The following RASSF2 variants were observed in gnomAD, a reference collection of about 807,000 sequenced individuals.
The protein encoded by RASSF2 is Ras association domain family member 2, also known as ras association domain-containing protein 2.
A neutral mutation model predicts 46.3 loss-of-function variants in RASSF2; 34 were observed. That is an observed-to-expected ratio of 0.73 (90% confidence interval 0.56 to 0.98). The LOEUF is 0.98. Among genes scored for constraint, RASSF2 ranks in the 50% least tolerant of loss-of-function variants. RASSF2 has a pLI of 0.00. For missense variants in RASSF2, 364 were observed against 431.2 expected, an observed-to-expected ratio of 0.84 and a Z score of 1.38; for synonymous variants, 158 against 162.5, an observed-to-expected ratio of 0.97 and a Z score of 0.21.
intron 3 of RASSF2, among the ~76,000 whole-genome samples, chr20:4,798,449 C>A (rs1033589650): frequency 7.2e-5 from 11 of 152,176 alleles, no homozygotes; most frequent in African/African-American, 2.7e-4. Flanking sequence ...CCACACACAG[C>A]GATTCTCCTG....
Position 4,800,934 on chromosome 20 carries a change from G to C in RASSF2, c.59+38C>G, listed in dbSNP as rs375056690. Reference sequence around the variant, plus strand: ...ACCCACAACATCCCAGCACGGGACTGGTCACTGAGGACAAAACACTCCAGC... The same window carrying C: ...ACCCACAACATCCCAGCACGGGACTCGTCACTGAGGACAAAACACTCCAGC... On this transcript the variant is annotated intron_variant, in intron 3 of 11. Coordinates refer to ENST00000379400, the MANE Select transcript of RASSF2 (RefSeq NM_014737.3). 1.1e-5 allele frequency: 17 copies of C among 1,543,742 alleles called. No individual in the cohort carries two copies. In the African/African-American group the frequency reaches 2.2e-4, roughly 20 times the overall value.
chr20:4,804,299 C>T (rs1288322602), intron 2 of RASSF2, among the ~76,000 whole-genome samples: 5 of 148,130 alleles, frequency 3.4e-5, no homozygotes, highest in Non-Finnish European at 7.4e-5. Context: ...AACCGGAGTA[C>T]ACATGTAACG....
intron 2 of RASSF2, among the ~76,000 whole-genome samples, chr20:4,817,754 C>G (rs549882131): frequency 2.0e-5 from 3 of 152,138 alleles, no homozygotes; most frequent in Non-Finnish European, 4.4e-5. Context: ...AGGAAGGACT[C>G]TAGGAGGGGC....
chr20:4,821,343 G>C (rs1885309), intron 2 of RASSF2, among the ~76,000 whole-genome samples: 96,135 of 151,928 alleles, frequency 0.63, 31,835 homozygotes, highest in Non-Finnish European at 0.73. Context: ...GCCACGCTCA[G>C]GGAAGTGGGG....
At chr20:4,787,420 T>C (rs562006270) in intron 10 of RASSF2, among the ~76,000 whole-genome samples, 8 of 152,304 alleles carry the variant, frequency 5.3e-5, no homozygotes, top group African/African-American at 1.4e-4. Context: ...CACAGAATCA[T>C]GGGCAAAAAA....
chr20:4,803,838 C>T (rs1200567665), intron 2 of RASSF2, among the ~76,000 whole-genome samples: 2 of 151,394 alleles, frequency 1.3e-5, no homozygotes, highest in African/African-American at 2.4e-5. Flanking sequence ...GAGGGAGGAT[C>T]GCTTGAGCCC....
intron 4 of RASSF2, among the ~76,000 whole-genome samples, chr20:4,797,391 T>A (rs777467439): frequency 1.4e-4 from 21 of 152,220 alleles, no homozygotes; most frequent in Non-Finnish European, 2.8e-4. Context: ...GGGACCTTTT[T>A]ATCAGTCACA....
At chr20:4,805,378 G>A (rs1190851217) in intron 2 of RASSF2, among the ~76,000 whole-genome samples, 1 of 152,046 alleles carries the variant, frequency 6.6e-6, no homozygotes, top group African/African-American at 2.4e-5. Flanking sequence ...GGAGGAAGGG[G>A]CCATGAACCT....
At chr20:4,793,636 AT>A (rs1451641989) in intron 5 of RASSF2, among the ~76,000 whole-genome samples, 127 of 147,334 alleles carry the variant, frequency 8.6e-4, no homozygotes, top group East Asian at 4.2e-3. Flanking sequence ...CAGCATCCTT[AT>A]TTTTTTTTTT....
At chr20:4,787,852 A>C (rs934144423) in intron 9 of RASSF2, 98 bp from the exon 10 acceptor site, 1 of 1,454,496 alleles carries the variant, frequency 6.9e-7, no homozygotes. Flanking sequence ...AGATGCCGCC[A>C]TATACGTCAG....
intron 2 of RASSF2, among the ~76,000 whole-genome samples, chr20:4,801,887 C>T (rs1466970883): frequency 2.0e-5 from 3 of 151,944 alleles, no homozygotes; most frequent in African/African-American, 4.8e-5. Flanking sequence ...TACAGGTGCC[C>T]GCCATCACGC....
intron 2 of RASSF2, among the ~76,000 whole-genome samples, chr20:4,813,856 T>C (rs1311669190): frequency 6.6e-6 from 1 of 151,970 alleles, no homozygotes; most frequent in Non-Finnish European, 1.5e-5. Context: ...TATCCACATG[T>C]ATGGTGTGTG....
At chr20:4,787,605 C>G (rs757914951) in intron 10 of RASSF2, 28 bp downstream of exon 10, 13 of 1,614,142 alleles carry the variant, frequency 8.1e-6, no homozygotes, top group Middle Eastern at 1.7e-4. Flanking sequence ...CTCCTGAGGA[C>G]AGATCGCCTG....
In RASSF2 at chr20:4,812,284, C is replaced by G. The variant is rs1460237708; in HGVS notation, c.-33+10045G>C. 6.6e-6 allele frequency among the ~76,000 whole-genome samples: 1 copy of G among 152,202 alleles called. No homozygotes were observed. The highest frequency in any genetic ancestry group is 1.5e-5 in the Non-Finnish European group (1 of 68,040). On this transcript the variant is annotated intron_variant, in intron 2 of 11. Coordinates refer to ENST00000379400, the MANE Select transcript of RASSF2 (RefSeq NM_014737.3). The surrounding 1 kb of genome is among the most constrained non-coding windows in gnomAD (Gnocchi z 4.0). ...CCATCACTGCCTGGACTCCTTTAAC[C>G]CCTACACCAACCTCATTACGAAAGA... is the stretch of plus-strand genomic sequence containing the variant.
chr20:4,788,982 G>A (rs1202665233), intron 8 of RASSF2, among the ~76,000 whole-genome samples: 1 of 152,128 alleles, frequency 6.6e-6, no homozygotes, highest in Non-Finnish European at 1.5e-5. Context: ...ACTAGCAGGT[G>A]CTCAGTGGAG....
rs369276882 is a variant in RASSF2 at position 4,789,654 on chromosome 20, C to T, written c.581G>A (p.Arg194His). ...TPAYGSVTNVRINSTMTTPQV... is the reference protein window; with the variant it reads ...TPAYGSVTNVHINSTMTTPQV... The stretch of plus-strand genomic sequence containing the variant: ...TGGGGTGGTCATGGTGCTGTTGATG[C>T]GGACGTTGGTGACAGAGCCATAGGC... The change falls in exon 8 of 12, where the codon CGC becomes CAC. Residue 194 changes from arginine to histidine, a missense_variant. Physicochemically the swap from Arg to His is conservative, Grantham distance 29. Transcript: ENST00000379400. The T allele has an allele frequency of 3.0e-5, 48 of 1,613,884 alleles. No homozygotes were observed. The highest frequency in any genetic ancestry group is 6.7e-5 in the East Asian group (3 of 44,886).
chr20:4,809,292 T>C (rs1449665740), intron 2 of RASSF2, among the ~76,000 whole-genome samples: 3 of 152,184 alleles, frequency 2.0e-5, no homozygotes, highest in African/African-American at 4.8e-5. Flanking sequence ...CCATTTAATA[T>C]GATGACATCC....
intron 3 of RASSF2, among the ~76,000 whole-genome samples, chr20:4,798,991 G>C: frequency 6.6e-6 from 1 of 152,034 alleles, no homozygotes; most frequent in East Asian, 1.9e-4. Flanking sequence ...GGAATTATAG[G>C]ATATGTGCTT....
chr20:4,821,638 G>A (rs955960128), intron 2 of RASSF2, among the ~76,000 whole-genome samples: 9 of 152,226 alleles, frequency 5.9e-5, no homozygotes, highest in African/African-American at 1.9e-4. Context: ...AAGGAGGAGC[G>A]GAACTCACCT....
Sources: gnomAD v4.1 joint callset for allele counts (sites outside exome capture counted in the v4.1 genomes callset) on GRCh38, gnomAD v4.1.1 for gene constraint, Gnocchi (gnomAD v3.1) non-coding constraint, MANE v1.5 for transcripts, NCBI Gene and HGNC (gene_info 2026-07-23, HGNC 2026-07-21) for gene names.